Variants in RAB15 observed in about 807,000 individuals in gnomAD.
RAB15 encodes the protein ras-related protein Rab-15.
RAB15 carries 13 observed loss-of-function variants against 31.8 expected under a neutral mutation model. That is an observed-to-expected ratio of 0.41 (90% CI 0.27 to 0.65). The LOEUF is 0.65. RAB15 is among the 30% of genes least tolerant of loss of function. RAB15 has a pLI of 0.32. For synonymous variants in RAB15, 100 were observed against 105.6 expected, an observed-to-expected ratio of 0.95 and a Z score of 0.33; for missense variants, 220 against 277.3, an observed-to-expected ratio of 0.79 and a Z score of 1.47.
Position 64,971,861 on chromosome 14 carries a change from G to T in RAB15, c.124+92C>A. On this transcript the variant is annotated intron_variant, in intron 1 of 6. Coordinates refer to ENST00000533601, the MANE Select transcript of RAB15 (RefSeq NM_001308154.2). This position sits in a 1 kb window ranked among gnomAD's most constrained non-coding sequence, Gnocchi z 4.1. Reference sequence around the variant, plus strand: ...CGGCGCCACCGCCTCCAGCCGGAGGGGCTGGCAATTCCTCCCCAGCTGGGG... The same window carrying T: ...CGGCGCCACCGCCTCCAGCCGGAGGTGCTGGCAATTCCTCCCCAGCTGGGG... 7.9e-7 allele frequency: 1 copy of T among 1,258,880 alleles called. No homozygotes were observed. Among genetic ancestry groups the T allele is most frequent in the Non-Finnish European group, 1.1e-6 (1 of 908,454 alleles). 78.0% of individuals were successfully genotyped at this position (1,258,880 alleles called of 1,614,324 possible).
At chr14:64,963,109 CTTTTTTT>C (rs1165246293) in intron 1 of RAB15, among the ~76,000 whole-genome samples, 8 of 96,406 alleles carry the variant, frequency 8.3e-5, no homozygotes, top group African/African-American at 2.6e-4. Context: ...CCCTTCCCCA[CTTTTTTT>C]TTTTTTTTTT....
intron 1 of RAB15, among the ~76,000 whole-genome samples, chr14:64,961,884 C>T (rs1227897543): frequency 3.3e-5 from 5 of 149,598 alleles, no homozygotes; most frequent in Non-Finnish European, 5.9e-5. Flanking sequence ...CACTGCACTC[C>T]AGTCTGGGAG....
rs1404996245 is a variant in RAB15 at position 64,955,462 on chromosome 14, C to T, written c.125-2891G>A. On this transcript the variant is annotated intron_variant, in intron 1 of 6. Transcript: ENST00000533601. The surrounding 1 kb of genome is among the most constrained non-coding windows in gnomAD (Gnocchi z 4.4). Reference sequence around the variant, plus strand: ...ACTGCTGAGCACTGCAGGACAAAGTCAACACACTGGCCTTATTGAGGCCTC... The same window carrying T: ...ACTGCTGAGCACTGCAGGACAAAGTTAACACACTGGCCTTATTGAGGCCTC... Among the ~76,000 whole-genome samples, 2 of 152,226 alleles carry T rather than the reference C, an allele frequency of 1.3e-5. No homozygotes were observed. The highest frequency in any genetic ancestry group is 6.5e-5 in the Admixed American group (1 of 15,290).
Position 64,971,475 on chromosome 14 carries a change from GT to G in RAB15, c.124+477del, listed in dbSNP as rs1185390902. 6.6e-6 allele frequency among the ~76,000 whole-genome samples: 1 copy of G among 151,944 alleles called. No individual in the cohort carries two copies. The highest frequency in any genetic ancestry group is 1.5e-5 in the Non-Finnish European group (1 of 67,964). On this transcript the variant is annotated intron_variant, in intron 1 of 6. Coordinates refer to ENST00000533601, the MANE Select transcript of RAB15 (RefSeq NM_001308154.2). The surrounding 1 kb of genome is among the most constrained non-coding windows in gnomAD (Gnocchi z 4.1). ...GAAACTCGATCCCTGTGGCCCCTCC[GT>G]ACGTCCTCTCTTCCCCCCCTCGCCC...
At position 64,950,514 on chromosome 14, in the gene RAB15, A is replaced by T; in HGVS notation, c.325-100T>A. 9.9e-7 allele frequency: 1 copy of T among 1,008,882 alleles called. No homozygotes were observed. Among genetic ancestry groups the T allele is most frequent in the South Asian group, 1.3e-5 (1 of 78,134 alleles). 62.5% of individuals were successfully genotyped at this position (1,008,882 alleles called of 1,614,324 possible). ...GCCTCCAGCCCACCACCAATTCCAG[A>T]GCCCTAGGGACAGGGTGGGCCGACT... On this transcript the variant is annotated intron_variant, in intron 4 of 6. Transcript: ENST00000533601. The surrounding 1 kb of genome is among the most constrained non-coding windows in gnomAD (Gnocchi z 5.6).
intron 1 of RAB15, among the ~76,000 whole-genome samples, chr14:64,965,374 G>A (rs1887082213): frequency 2.0e-5 from 3 of 152,170 alleles, no homozygotes; most frequent in South Asian, 2.1e-4. Flanking sequence ...CAGAAGAATC[G>A]CTTGAACCCG....
rs550238793 is a variant in RAB15, at chr14:64,962,975, C to A, written c.124+8978G>T. Among the ~76,000 whole-genome samples, 24 of 152,242 alleles carry A rather than the reference C, an allele frequency of 1.6e-4. 1 individual carries two copies. The South Asian group carries it at 5.0e-3, about 32-fold the overall frequency. On this transcript the variant is annotated intron_variant, in intron 1 of 6. Transcript: ENST00000533601. The surrounding 1 kb of genome is among the most constrained non-coding windows in gnomAD (Gnocchi z 4.2). ...GCCAGCAAGGCCAACTTCAGAACTC[C>A]CTGCTCCTATGTGATGCTGAGATCT...
At position 64,951,700 on chromosome 14, in the gene RAB15, C is replaced by A. The variant is rs374668849; in HGVS notation, c.186-37G>T. On this transcript the variant is annotated intron_variant, in intron 2 of 6. Transcript: ENST00000533601. This position sits in a 1 kb window ranked among gnomAD's most constrained non-coding sequence, Gnocchi z 7.2. ...AGCCAGTCCCTCAGAGGAGCAGGGA[C>A]CATGGGAACAGACGGGGAGGGGAAG... 28 of 1,575,992 alleles carry A rather than the reference C, an allele frequency of 1.8e-5. No individual in the cohort carries two copies. Among genetic ancestry groups the A allele is most frequent in the South Asian group, 2.2e-5 (2 of 90,334 alleles).
At chr14:64,965,711 C>A (rs1887098903) in intron 1 of RAB15, among the ~76,000 whole-genome samples, 1 of 152,170 alleles carries the variant, frequency 6.6e-6, no homozygotes, top group Non-Finnish European at 1.5e-5. Flanking sequence ...GGCCAAATAT[C>A]AGCTTTCATG....
chr14:64,951,690 G>C lies in RAB15; in HGVS notation c.186-27C>G. On this transcript the variant is annotated intron_variant, in intron 2 of 6. Coordinates refer to ENST00000533601, the MANE Select transcript of RAB15 (RefSeq NM_001308154.2). This position sits in a 1 kb window ranked among gnomAD's most constrained non-coding sequence, Gnocchi z 7.2. Reference sequence around the variant, plus strand: ...TGCAGGAGAAAGCCAGTCCCTCAGAGGAGCAGGGACCATGGGAACAGACGG... The same window carrying C: ...TGCAGGAGAAAGCCAGTCCCTCAGACGAGCAGGGACCATGGGAACAGACGG... 1 of 1,599,222 alleles carries C rather than the reference G, an allele frequency of 6.3e-7. No homozygotes were observed. The highest frequency in any genetic ancestry group is 2.2e-5 in the East Asian group (1 of 44,784).
Position 64,950,804 on chromosome 14 carries a change from C to T in RAB15, c.324+270G>A, listed in dbSNP as rs1886205621. On this transcript the variant is annotated intron_variant, in intron 4 of 6. Coordinates refer to ENST00000533601, the MANE Select transcript of RAB15 (RefSeq NM_001308154.2). The surrounding 1 kb of genome is among the most constrained non-coding windows in gnomAD (Gnocchi z 5.6). Reference sequence around the variant, plus strand: ...CCAATCTTGCAACTCCACCTGGTCCCAAGATTTCAGGAAAGAAGCTGCTCA... The same window carrying T: ...CCAATCTTGCAACTCCACCTGGTCCTAAGATTTCAGGAAAGAAGCTGCTCA... 1.5e-6 allele frequency: 1 copy of T among 668,552 alleles called. No homozygotes were observed. 41.4% of individuals were successfully genotyped at this position (668,552 alleles called of 1,614,324 possible). A position where few individuals can be genotyped will look rare whatever the true frequency, so the allele number is the denominator to read the frequency against.
chr14:64,965,310 T>A (rs892197451), intron 1 of RAB15, among the ~76,000 whole-genome samples: 11 of 152,010 alleles, frequency 7.2e-5, no homozygotes, highest in Middle Eastern at 3.4e-3. Flanking sequence ...ACACAAAAAA[T>A]TAGCCAGGTG....
rs1429828452 is a variant in RAB15 at position 64,953,496 on chromosome 14, G to A, written c.125-925C>T. ...TGGCATGGCATGTCACTGCGGGAGG[G>A]AAAGGAAGCAAAGAGTTCCCACGCT... is the stretch of plus-strand genomic sequence containing the variant. On this transcript the variant is annotated intron_variant, in intron 1 of 6. Transcript: ENST00000533601. The surrounding 1 kb of genome is among the most constrained non-coding windows in gnomAD (Gnocchi z 4.6). 6.6e-6 allele frequency among the ~76,000 whole-genome samples: 1 copy of A among 152,228 alleles called. No homozygotes were observed. The highest frequency in any genetic ancestry group is 1.5e-5 in the Non-Finnish European group (1 of 68,036).
rs1371115095 is a variant in RAB15 at position 64,953,260 on chromosome 14, A to T, written c.125-689T>A. On this transcript the variant is annotated intron_variant, in intron 1 of 6. Transcript: ENST00000533601. This position sits in a 1 kb window ranked among gnomAD's most constrained non-coding sequence, Gnocchi z 4.6. Reference sequence around the variant, plus strand: ...GCCACTCATAGCTCATTGCTATAACATCAGGCACCTTGCTTCACTGAGCGT... The same window carrying T: ...GCCACTCATAGCTCATTGCTATAACTTCAGGCACCTTGCTTCACTGAGCGT... Among the ~76,000 whole-genome samples, 1 of 152,224 alleles carries T rather than the reference A, an allele frequency of 6.6e-6. No individual in the cohort carries two copies. Among genetic ancestry groups the T allele is most frequent in the East Asian group, 1.9e-4 (1 of 5,202 alleles).
Position 64,962,169 on chromosome 14 carries a change from T to C in RAB15, c.125-9598A>G, listed in dbSNP as rs566180110. Among the ~76,000 whole-genome samples, 2 of 151,958 alleles carry C rather than the reference T, an allele frequency of 1.3e-5. No homozygotes were observed. The highest frequency in any genetic ancestry group is 6.5e-5 in the Admixed American group (1 of 15,280). ...GGCGGAAGTTGCAGTGAGCCAAGAT[T>C]GTGCCACTGCACTCCAGCCTGGGGG... On this transcript the variant is annotated intron_variant, in intron 1 of 6. Coordinates refer to ENST00000533601, the MANE Select transcript of RAB15 (RefSeq NM_001308154.2). The surrounding 1 kb of genome is among the most constrained non-coding windows in gnomAD (Gnocchi z 4.2).
Position 64,953,684 on chromosome 14 carries a change from G to A in RAB15, c.125-1113C>T, listed in dbSNP as rs1167922386. The A allele has an allele frequency of 1.6e-5, 8 of 491,634 alleles. No individual in the cohort carries two copies. The highest frequency in any genetic ancestry group is 9.7e-4 in the Middle Eastern group (1 of 1,028). 30.5% of individuals were successfully genotyped at this position (491,634 alleles called of 1,614,324 possible). The stretch of plus-strand genomic sequence containing the variant: ...TGACTCTGAGTGACAACAGAGAGAT[G>A]AGGGAGGTTGTTTTGCTGACCATGC... On this transcript the variant is annotated intron_variant, in intron 1 of 6. Coordinates refer to ENST00000533601, the MANE Select transcript of RAB15 (RefSeq NM_001308154.2). The surrounding 1 kb of genome is among the most constrained non-coding windows in gnomAD (Gnocchi z 4.6).
At position 64,968,220 on chromosome 14, in the gene RAB15, A is replaced by T. The variant is rs1887238111; in HGVS notation, c.124+3733T>A. Among the ~76,000 whole-genome samples the T allele has an allele frequency of 6.6e-6, 1 of 152,194 alleles. No individual in the cohort carries two copies. Among genetic ancestry groups the T allele is most frequent in the Non-Finnish European group, 1.5e-5 (1 of 68,038 alleles). ...ACAGAAGAATCTTCTCACTTTCCTG[A>T]AGAATCCCTTCTGTTGCATCTAAAC... On this transcript the variant is annotated intron_variant, in intron 1 of 6. Coordinates refer to ENST00000533601, the MANE Select transcript of RAB15 (RefSeq NM_001308154.2). This position sits in a 1 kb window ranked among gnomAD's most constrained non-coding sequence, Gnocchi z 4.9.
rs1204170560 is a variant in RAB15, at chr14:64,971,947, C to G, written c.124+6G>C. On this transcript the variant is annotated splice_donor_region_variant and intron_variant, in intron 1 of 6. Coordinates refer to ENST00000533601, the MANE Select transcript of RAB15 (RefSeq NM_001308154.2). The surrounding 1 kb of genome is among the most constrained non-coding windows in gnomAD (Gnocchi z 4.1). ...GGGAGGGGCGCCCCGGGCCACCGCC[C>G]CTTACCGATGGTGGAGATGTGCGAG... 6.4e-7 allele frequency: 1 copy of G among 1,565,720 alleles called. No individual in the cohort carries two copies. The highest frequency in any genetic ancestry group is 1.9e-5 in the Admixed American group (1 of 53,122).
In RAB15 at chr14:64,951,753, C is replaced by T; in HGVS notation, c.186-90G>A. 12 of 1,172,862 alleles carry T rather than the reference C, an allele frequency of 1.0e-5. No homozygotes were observed. In the South Asian group the frequency reaches 1.5e-4, roughly 14 times the overall value. The allele number at this position is 1,172,862 out of a possible 1,614,324, so 72.7% of individuals were successfully genotyped here. ...CAGAGCTGTCCCCTTGTAGGAAAAA[C>T]TGGGGAGCTAAAGGGTGAAAAACCA... On this transcript the variant is annotated intron_variant, in intron 2 of 6. Coordinates refer to ENST00000533601, the MANE Select transcript of RAB15 (RefSeq NM_001308154.2). This position sits in a 1 kb window ranked among gnomAD's most constrained non-coding sequence, Gnocchi z 7.2.
Sources: allele counts gnomAD v4.1 joint callset (sites outside exome capture counted in the v4.1 genomes callset), GRCh38; gene constraint gnomAD v4.1.1; non-coding constraint Gnocchi (gnomAD v3.1); transcripts MANE v1.5; gene names NCBI Gene and HGNC (gene_info 2026-07-23, HGNC 2026-07-21).